The following TRAF3 variants were observed in gnomAD, a reference collection of about 807,000 sequenced individuals.
TRAF3 encodes TNF receptor-associated factor 3.
Under a neutral mutation model 62.3 loss-of-function variants are expected in TRAF3, and 13 were observed. The observed-to-expected ratio is 0.21, with a 90% CI of 0.14 to 0.33. The LOEUF is 0.33. Ranked by LOEUF, TRAF3 falls within the 10% of genes least tolerant of loss-of-function variation. TRAF3 has a pLI of 1.00. For missense variants in TRAF3, 440 were observed against 741.8 expected, an observed-to-expected ratio of 0.59 and a Z score of 4.73; for synonymous variants, 269 against 283.4, an observed-to-expected ratio of 0.95 and a Z score of 0.51.
intron 6 of TRAF3, among the ~76,000 whole-genome samples, chr14:102,882,241 A>G (rs1366218456): frequency 6.6e-6 from 1 of 152,240 alleles, no homozygotes; most frequent in East Asian, 1.9e-4. Flanking sequence ...AAAGCACAGA[A>G]TGATAATGAG....
intron 1 of TRAF3, among the ~76,000 whole-genome samples, chr14:102,803,644 C>T (rs1898584069): frequency 2.0e-5 from 3 of 151,436 alleles, no homozygotes. Context: ...CTCCTGGGCT[C>T]AACTGATCCT....
chr14:102,822,377 A>G (rs996786588), intron 1 of TRAF3, among the ~76,000 whole-genome samples: 1 of 152,212 alleles, frequency 6.6e-6, no homozygotes, highest in African/African-American at 2.4e-5. Context: ...ACGCAGTGCC[A>G]AAACCAGTCT....
At chr14:102,879,326 G>A (rs1273534817) in intron 6 of TRAF3, among the ~76,000 whole-genome samples, 1 of 152,136 alleles carries the variant, frequency 6.6e-6, no homozygotes, top group Non-Finnish European at 1.5e-5. Context: ...GGCCTGGAAT[G>A]CGGTGACACA....
In TRAF3 at chr14:102,891,320, C is replaced by T. The variant is rs767004037; in HGVS notation, c.727-5C>T. 239 of 1,612,234 alleles carry T rather than the reference C, an allele frequency of 1.5e-4. 3 individuals carry two copies. The South Asian group carries it at 2.0e-3, about 13-fold the overall frequency. On this transcript the variant is annotated splice_polypyrimidine_tract_variant and splice_region_variant and intron_variant, in intron 8 of 11. Coordinates refer to ENST00000392745, the MANE Select transcript of TRAF3 (RefSeq NM_145725.3). ...GCTGAATGCCTCACATGTTTGCTCT[C>T]GCAGGGGACAAACCAGCAGATCAAG...
At chr14:102,785,439 A>G (rs1566735184) in intron 1 of TRAF3, among the ~76,000 whole-genome samples, 1 of 152,148 alleles carries the variant, frequency 6.6e-6, no homozygotes, top group Non-Finnish European at 1.5e-5. Context: ...CTTAATTTAC[A>G]TTTAAACTGG....
chr14:102,877,850 T>C (rs1888804810), intron 6 of TRAF3, among the ~76,000 whole-genome samples: 1 of 151,832 alleles, frequency 6.6e-6, no homozygotes, highest in Non-Finnish European at 1.5e-5. Context: ...CCTCAACTCA[T>C]AGATAATCCG....
At chr14:102,814,073 T>C (rs1406988513) in intron 1 of TRAF3, among the ~76,000 whole-genome samples, 2 of 152,228 alleles carry the variant, frequency 1.3e-5, no homozygotes, top group African/African-American at 2.4e-5. Flanking sequence ...CATTTTTAGT[T>C]CATTTTTGTA....
chr14:102,907,420 T>G lies in TRAF3; in HGVS notation c.*1636T>G, dbSNP rs1890636650. ...CTGTCTCTCAGTGTCCAACTGTGATTAGAAGCCTGGAGCCTGCCCCCTGCA... is the reference window on the plus strand; with the variant it reads ...CTGTCTCTCAGTGTCCAACTGTGATGAGAAGCCTGGAGCCTGCCCCCTGCA... On this transcript the variant is annotated 3_prime_UTR_variant, in exon 12 of 12. Transcript: ENST00000392745. 6.6e-6 allele frequency: 1 copy of G among 152,486 alleles called. No individual in the cohort carries two copies. The highest frequency in any genetic ancestry group is 6.5e-5 in the Admixed American group (1 of 15,292). The allele number at this position is 152,486 out of a possible 1,614,324, so 9.4% of individuals were successfully genotyped here. A position where few individuals can be genotyped will look rare whatever the true frequency, so the allele number is the denominator to read the frequency against.
chr14:102,800,515 C>T (rs973170064), intron 1 of TRAF3, among the ~76,000 whole-genome samples: 78 of 152,248 alleles, frequency 5.1e-4, no homozygotes, highest in African/African-American at 1.7e-3. Context: ...TGGTGCAGGC[C>T]CCAGTTCCTC....
At chr14:102,824,991 G>A (rs1178148974) in intron 1 of TRAF3, among the ~76,000 whole-genome samples, 4 of 152,216 alleles carry the variant, frequency 2.6e-5, no homozygotes, top group Non-Finnish European at 5.9e-5. Context: ...TCAGTCAGTT[G>A]AAAATCAACA....
intron 1 of TRAF3, among the ~76,000 whole-genome samples, chr14:102,809,423 C>T (rs1174221964): frequency 6.6e-6 from 1 of 152,128 alleles, no homozygotes; most frequent in East Asian, 1.9e-4. Context: ...AGCCACCGCG[C>T]CTGGCCTAGA....
chr14:102,868,036 G>A (rs144071450), intron 2 of TRAF3, among the ~76,000 whole-genome samples: 78 of 152,308 alleles, frequency 5.1e-4, no homozygotes, highest in African/African-American at 1.7e-3. Context: ...AACGGGGCTC[G>A]GAAGCAAGGG....
intron 6 of TRAF3, among the ~76,000 whole-genome samples, chr14:102,878,520 C>A (rs1014982256): frequency 2.6e-5 from 4 of 152,070 alleles, no homozygotes; most frequent in African/African-American, 4.8e-5. Context: ...GAACAAACAC[C>A]TATTGGGTAC....
intron 4 of TRAF3, among the ~76,000 whole-genome samples, chr14:102,872,881 G>A (rs867608171): frequency 6.6e-6 from 1 of 151,726 alleles, no homozygotes; most frequent in African/African-American, 2.4e-5. Flanking sequence ...TAGTAGAGAC[G>A]GGGTTTCACC....
intron 11 of TRAF3, among the ~76,000 whole-genome samples, chr14:102,904,303 G>A (rs1377471510): frequency 6.6e-6 from 1 of 152,220 alleles, no homozygotes; most frequent in Non-Finnish European, 1.5e-5. Flanking sequence ...TCCCTGGGAG[G>A]CGGTGGCCTC....
intron 1 of TRAF3, among the ~76,000 whole-genome samples, 184 bp from the exon 2 acceptor site, chr14:102,830,150 C>T (rs1364465164): frequency 6.6e-6 from 1 of 152,186 alleles, no homozygotes; most frequent in Non-Finnish European, 1.5e-5. Context: ...TGGCCAGACA[C>T]TGGGAGAATG....
chr14:102,816,430 A>AGG (rs1298636291), intron 1 of TRAF3, among the ~76,000 whole-genome samples: 1 of 152,100 alleles, frequency 6.6e-6, no homozygotes, highest in Non-Finnish European at 1.5e-5. Context: ...AGCCCCACAC[A>AGG]CCAGATTTTG....
chr14:102,887,665 G>T (rs1196826762), intron 7 of TRAF3, among the ~76,000 whole-genome samples: 1 of 152,060 alleles, frequency 6.6e-6, no homozygotes, highest in Non-Finnish European at 1.5e-5. Context: ...CGTGATCTCG[G>T]CTCAGTGCAT....
chr14:102,905,884 T>A lies in TRAF3; in HGVS notation c.*100T>A. 1 of 1,141,518 alleles carries A rather than the reference T, an allele frequency of 8.8e-7. No homozygotes were observed. 70.7% of individuals were successfully genotyped at this position (1,141,518 alleles called of 1,614,324 possible). A position where few individuals can be genotyped will look rare whatever the true frequency, so the allele number is the denominator to read the frequency against. ...TCCTCGCGCTCAGAAAAGGACCTTGTGAGACGGAGGAAGCGGCAGAAGGCG... is the reference window on the plus strand; with the variant it reads ...TCCTCGCGCTCAGAAAAGGACCTTGAGAGACGGAGGAAGCGGCAGAAGGCG... On this transcript the variant is annotated 3_prime_UTR_variant, in exon 12 of 12. Coordinates refer to ENST00000392745, the MANE Select transcript of TRAF3 (RefSeq NM_145725.3).
Sources: allele counts gnomAD v4.1 joint callset (sites outside exome capture counted in the v4.1 genomes callset), GRCh38; gene constraint gnomAD v4.1.1; transcripts MANE v1.5; gene names NCBI Gene and HGNC (gene_info 2026-07-23, HGNC 2026-07-21).